The following ARHGAP24 variants were observed in gnomAD, a reference collection of about 807,000 sequenced individuals.
ARHGAP24 encodes the protein rho GTPase-activating protein 24.
ARHGAP24 carries 50 observed loss-of-function variants against 76.4 expected under a neutral mutation model. The observed-to-expected ratio is 0.65, with a 90% CI of 0.52 to 0.83. ARHGAP24 has a LOEUF of 0.83. Ranked by LOEUF, ARHGAP24 falls within the 40% of genes least tolerant of loss-of-function variation. The probability of loss-of-function intolerance (pLI) is 0.00; values close to 1 mark genes in which losing one functional copy is unlikely to be tolerated. For synonymous variants in ARHGAP24, 345 were observed against 323.3 expected (o/e 1.07, Z -0.72); for missense variants, 930 against 914.2 (o/e 1.02, Z -0.22).
At chr4:85,638,590 A>G (rs1297050539) in intron 2 of ARHGAP24, among the ~76,000 whole-genome samples, 1 of 152,116 alleles carries the variant, frequency 6.6e-6, no homozygotes, top group Non-Finnish European at 1.5e-5. Context: ...CCTCTCTAAT[A>G]GTAACATCAA....
At chr4:85,896,389 C>CA (rs1227713572) in intron 3 of ARHGAP24, among the ~76,000 whole-genome samples, 1 of 152,114 alleles carries the variant, frequency 6.6e-6, no homozygotes, top group East Asian at 1.9e-4. Flanking sequence ...CATATCCTAC[C>CA]AAAAAAACAA....
At chr4:85,785,976 C>A (rs1371795373) in intron 3 of ARHGAP24, among the ~76,000 whole-genome samples, 1 of 148,610 alleles carries the variant, frequency 6.7e-6, no homozygotes, top group Admixed American at 6.8e-5. Flanking sequence ...TCTCAGAGAC[C>A]ACTACTACCT....
intron 2 of ARHGAP24, among the ~76,000 whole-genome samples, chr4:85,650,448 C>T (rs990741251): frequency 6.7e-6 from 1 of 149,296 alleles, no homozygotes; most frequent in Non-Finnish European, 1.5e-5. Flanking sequence ...GGCCAATAAT[C>T]TTGTCTGAGC....
chr4:85,494,895 G>A (rs1723499080), intron 1 of ARHGAP24, among the ~76,000 whole-genome samples: 2 of 151,552 alleles, frequency 1.3e-5, no homozygotes. Flanking sequence ...TCAGGAGTTC[G>A]AGACCAGTCT....
intron 3 of ARHGAP24, among the ~76,000 whole-genome samples, chr4:85,908,713 T>C (rs1734909546): frequency 6.6e-6 from 1 of 152,154 alleles, no homozygotes; most frequent in Non-Finnish European, 1.5e-5. Flanking sequence ...AAGAGTTCCC[T>C]GTAGAAAAGT....
intron 3 of ARHGAP24, among the ~76,000 whole-genome samples, chr4:85,755,276 T>C (rs1726432021): frequency 6.6e-6 from 1 of 152,162 alleles, no homozygotes; most frequent in Non-Finnish European, 1.5e-5. Context: ...CTAACTAATT[T>C]GCCTACATCC....
intron 8 of ARHGAP24, among the ~76,000 whole-genome samples, chr4:85,978,310 A>C (rs1431761395): frequency 6.6e-6 from 1 of 152,202 alleles, no homozygotes; most frequent in Non-Finnish European, 1.5e-5. Context: ...GAAAGGAGAA[A>C]CAATAATTAT....
intron 2 of ARHGAP24, among the ~76,000 whole-genome samples, chr4:85,608,384 A>G (rs1165804103): frequency 1.3e-5 from 2 of 152,122 alleles, no homozygotes; most frequent in Non-Finnish European, 2.9e-5. Flanking sequence ...TTCCATGCTG[A>G]CCACTACTTC....
At position 85,479,862 on chromosome 4, in the gene ARHGAP24, G is replaced by A. The variant is rs966929479; in HGVS notation, c.-21+4303G>A. Among the ~76,000 whole-genome samples the A allele has an allele frequency of 5.9e-5, 9 of 152,250 alleles. No individual in the cohort carries two copies. The East Asian group carries it at 1.5e-3, about 26-fold the overall frequency. ...TCATGTGCATACTGCCAGTTAGCAC[G>A]TGGATAATACGTATTTTGATCAAGA... On this transcript the variant is annotated intron_variant, in intron 1 of 9. Transcript: ENST00000395184.
intron 8 of ARHGAP24, among the ~76,000 whole-genome samples, chr4:85,982,248 T>A (rs1040764058): frequency 2.6e-5 from 4 of 152,032 alleles, no homozygotes; most frequent in African/African-American, 7.3e-5. Context: ...AGAAATCTTT[T>A]AAAAATTGCA....
intron 3 of ARHGAP24, among the ~76,000 whole-genome samples, chr4:85,751,944 A>G (rs566126803): frequency 5.9e-5 from 9 of 152,348 alleles, no homozygotes; most frequent in African/African-American, 2.2e-4. Context: ...CTAGCACAGT[A>G]TTAAGCACTG....
chr4:85,969,110 T>C (rs1276566789), intron 5 of ARHGAP24, among the ~76,000 whole-genome samples: 1 of 152,134 alleles, frequency 6.6e-6, no homozygotes, highest in East Asian at 1.9e-4. Flanking sequence ...AGAGGAAGAA[T>C]GATTCTGCGG....
intron 2 of ARHGAP24, among the ~76,000 whole-genome samples, chr4:85,712,322 C>G (rs2110035549): frequency 6.6e-6 from 1 of 152,182 alleles, no homozygotes; most frequent in East Asian, 1.9e-4. Flanking sequence ...AAATGATTGA[C>G]TAATTAACTG....
chr4:85,913,730 G>T (rs1735214313), intron 3 of ARHGAP24, among the ~76,000 whole-genome samples: 1 of 152,148 alleles, frequency 6.6e-6, no homozygotes, highest in Non-Finnish European at 1.5e-5. Flanking sequence ...TAGGGTTCTT[G>T]TAAAAACCAA....
intron 5 of ARHGAP24, among the ~76,000 whole-genome samples, chr4:85,965,204 C>A (rs551545682): frequency 6.6e-5 from 10 of 152,214 alleles, no homozygotes; most frequent in Non-Finnish European, 1.2e-4. Context: ...CAAGGAGGAG[C>A]AAGTCACATC....
At chr4:85,861,028 ACT>A (rs1731869888) in intron 3 of ARHGAP24, among the ~76,000 whole-genome samples, 1 of 150,038 alleles carries the variant, frequency 6.7e-6, no homozygotes, top group South Asian at 2.1e-4. Context: ...ACACACACAC[ACT>A]CTTTCAAACA....
intron 3 of ARHGAP24, among the ~76,000 whole-genome samples, chr4:85,782,286 C>T (rs577759454): frequency 6.1e-4 from 93 of 151,984 alleles, no homozygotes; most frequent in Non-Finnish European, 1.0e-3. Flanking sequence ...ATAGGAAATT[C>T]GACATACTAA....
chr4:85,991,654 A>G (rs1740330914), intron 8 of ARHGAP24: 1 of 152,456 alleles, frequency 6.6e-6, no homozygotes, highest in Non-Finnish European at 1.5e-5. Context: ...AGGCAAAACT[A>G]TAGAGACAGA....
At chr4:85,575,677 T>C (rs552283803) in intron 2 of ARHGAP24, among the ~76,000 whole-genome samples, 124 of 152,354 alleles carry the variant, frequency 8.1e-4, no homozygotes, top group Non-Finnish European at 1.6e-3. Context: ...AGTATGATTA[T>C]AGTTATCTTA....
Sources: allele counts gnomAD v4.1 joint callset (sites outside exome capture counted in the v4.1 genomes callset), GRCh38; gene constraint gnomAD v4.1.1; transcripts MANE v1.5; gene names NCBI Gene and HGNC (gene_info 2026-07-23, HGNC 2026-07-21).